Variants in NRG1 observed in about 807,000 individuals in gnomAD.
NRG1 encodes neuregulin 1.
In NRG1, 18 loss-of-function variants were observed where a neutral mutation model predicts 63.8. That is an observed-to-expected ratio of 0.28 (90% CI 0.19 to 0.42). The LOEUF (loss-of-function observed/expected upper bound fraction) is 0.42. NRG1 is among the 10% of genes least tolerant of loss of function. The pLI is 1.00. For synonymous variants in NRG1, 302 were observed against 301.3 expected (o/e 1.00, Z -0.02); for missense variants, 762 against 814.7 (o/e 0.94, Z 0.79).
chr8:32,266,893 A>T (rs949592056), intron 1 of NRG1, among the ~76,000 whole-genome samples: 3 of 151,010 alleles, frequency 2.0e-5, no homozygotes, highest in South Asian at 2.1e-4. Flanking sequence ...AAAAAAAAAA[A>T]AAAAAATTAG....
chr8:32,595,139 A>G (rs1217769486), intron 1 of NRG1, among the ~76,000 whole-genome samples: 1 of 152,096 alleles, frequency 6.6e-6, no homozygotes, highest in Non-Finnish European at 1.5e-5. Flanking sequence ...GGATGTGAAC[A>G]CGCTTTAAAA....
chr8:31,947,791 A>G (rs1182954803), intron 1 of NRG1, among the ~76,000 whole-genome samples: 1 of 151,786 alleles, frequency 6.6e-6, no homozygotes, highest in Non-Finnish European at 1.5e-5. Flanking sequence ...TAAAAATACA[A>G]AAAAATTAAC....
At chr8:31,886,689 A>G (rs759839924) in intron 1 of NRG1, among the ~76,000 whole-genome samples, 27 of 151,886 alleles carry the variant, frequency 1.8e-4, no homozygotes, top group Non-Finnish European at 2.8e-4. Flanking sequence ...ATGTGTTCGG[A>G]GGGGGAGCAA....
At chr8:32,297,310 T>C (rs1855010914) in intron 1 of NRG1, among the ~76,000 whole-genome samples, 1 of 152,142 alleles carries the variant, frequency 6.6e-6, no homozygotes, top group Non-Finnish European at 1.5e-5. Flanking sequence ...TCCCTTCAGG[T>C]CTGAATAAAA....
chr8:31,996,786 T>A (rs1180291898), intron 1 of NRG1, among the ~76,000 whole-genome samples: 1 of 151,836 alleles, frequency 6.6e-6, no homozygotes, highest in African/African-American at 2.4e-5. Context: ...AAAATATATA[T>A]CTTTCAGCTT....
At chr8:31,988,368 C>T (rs1339768062) in intron 1 of NRG1, among the ~76,000 whole-genome samples, 1 of 152,038 alleles carries the variant, frequency 6.6e-6, no homozygotes, top group Non-Finnish European at 1.5e-5. Flanking sequence ...CTACTGGGTC[C>T]TCAATTTTTC....
chr8:32,412,318 A>G (rs1000685752), intron 1 of NRG1, among the ~76,000 whole-genome samples: 2 of 150,294 alleles, frequency 1.3e-5, no homozygotes, highest in Admixed American at 1.3e-4. Flanking sequence ...TGAGTCTCCA[A>G]ATTGCTGACT....
chr8:32,436,140 G>C (rs191941078), intron 1 of NRG1, among the ~76,000 whole-genome samples: 48 of 152,260 alleles, frequency 3.2e-4, no homozygotes, highest in African/African-American at 1.0e-3. Flanking sequence ...CACAAGCATG[G>C]TGGAAAGTGA....
intron 6 of NRG1, among the ~76,000 whole-genome samples, chr8:32,737,771 G>T (rs1187323468): frequency 6.6e-6 from 1 of 150,812 alleles, no homozygotes; most frequent in East Asian, 2.0e-4. Context: ...CCGCCTTCTG[G>T]GTTCAAGCGA....
intron 1 of NRG1, among the ~76,000 whole-genome samples, chr8:32,294,538 AG>A (rs1224453971): frequency 1.3e-5 from 2 of 152,210 alleles, no homozygotes; most frequent in African/African-American, 4.8e-5. Context: ...CAAATATATT[AG>A]AACTTAGTCT....
At chr8:32,683,228 T>A (rs1809166866) in intron 5 of NRG1, among the ~76,000 whole-genome samples, 1 of 152,254 alleles carries the variant, frequency 6.6e-6, no homozygotes, top group African/African-American at 2.4e-5. Flanking sequence ...TTCTTTGCTT[T>A]AGAATGTTAT....
At chr8:31,773,360 G>A (rs2131581426) in intron 1 of NRG1, among the ~76,000 whole-genome samples, 1 of 152,208 alleles carries the variant, frequency 6.6e-6, no homozygotes, top group Admixed American at 6.5e-5. Context: ...TTGAGTTTCA[G>A]TATTCCTCAA....
At chr8:31,799,970 C>T (rs1195733565) in intron 1 of NRG1, among the ~76,000 whole-genome samples, 1 of 152,142 alleles carries the variant, frequency 6.6e-6, no homozygotes, top group Admixed American at 6.5e-5. Flanking sequence ...GCTACTTTAT[C>T]CACAGCGATT....
intron 1 of NRG1, among the ~76,000 whole-genome samples, chr8:31,926,716 G>A (rs1308043632): frequency 6.6e-6 from 1 of 152,110 alleles, no homozygotes; most frequent in African/African-American, 2.4e-5. Context: ...ATTTCAAGCT[G>A]TCAAAACCCC....
intron 1 of NRG1, among the ~76,000 whole-genome samples, chr8:32,325,455 C>T (rs1329298552): frequency 6.6e-6 from 1 of 152,200 alleles, no homozygotes; most frequent in Non-Finnish European, 1.5e-5. Context: ...AAACGTGGCT[C>T]ACTGCAGCCT....
At chr8:32,019,223 C>A (rs763728772) in intron 1 of NRG1, among the ~76,000 whole-genome samples, 2 of 152,148 alleles carry the variant, frequency 1.3e-5, no homozygotes, top group Non-Finnish European at 2.9e-5. Flanking sequence ...CTCAGCCTCC[C>A]GAGTAGCTGG....
intron 1 of NRG1, among the ~76,000 whole-genome samples, chr8:32,230,452 G>C (rs1846800322): frequency 6.6e-6 from 1 of 152,160 alleles, no homozygotes; most frequent in Non-Finnish European, 1.5e-5. Flanking sequence ...TAGAACTCAG[G>C]AGTGATGGAA....
chr8:31,907,025 CAG>C (rs1563550716), intron 1 of NRG1, among the ~76,000 whole-genome samples: 1 of 152,112 alleles, frequency 6.6e-6, no homozygotes, highest in Non-Finnish European at 1.5e-5. Context: ...CTGATCCCAA[CAG>C]AGAAACAAGA....
chr8:31,640,777 A>T lies in NRG1; in HGVS notation c.37+1346A>T. 6.9e-7 allele frequency: 1 copy of T among 1,449,384 alleles called. No homozygotes were observed. Among genetic ancestry groups the T allele is most frequent in the African/African-American group, 1.5e-5 (1 of 68,138 alleles). The allele number at this position is 1,449,384 out of a possible 1,614,324, so 89.8% of individuals were successfully genotyped here. A position where few individuals can be genotyped will look rare whatever the true frequency, so the allele number is the denominator to read the frequency against. Reference sequence around the variant, plus strand: ...CGCGAACCCGCGGCGAGGAGGGCGCATCCCGGGCGCGCGGGCAGCGGGGCT... The same window carrying T: ...CGCGAACCCGCGGCGAGGAGGGCGCTTCCCGGGCGCGCGGGCAGCGGGGCT... On this transcript the variant is annotated intron_variant, in intron 1 of 10. Coordinates refer to the NRG1 transcript ENST00000519301. This position sits in a 1 kb window ranked among gnomAD's most constrained non-coding sequence, Gnocchi z 6.3.
Sources: gnomAD v4.1 joint callset for allele counts (sites outside exome capture counted in the v4.1 genomes callset) on GRCh38, gnomAD v4.1.1 for gene constraint, Gnocchi (gnomAD v3.1) non-coding constraint, MANE v1.5 for transcripts, NCBI Gene and HGNC (gene_info 2026-07-23, HGNC 2026-07-21) for gene names.